Variants in CEP128 observed in about 807,000 individuals in gnomAD.
CEP128 encodes centrosomal protein 128.
Under a neutral mutation model 156.7 loss-of-function variants are expected in CEP128, and 132 were observed. The observed-to-expected ratio is 0.84, with a 90% confidence interval of 0.73 to 0.97. The LOEUF is 0.97. Among genes scored for constraint, CEP128 ranks in the 50% least tolerant of loss-of-function variants. The pLI is 0.00. For synonymous variants in CEP128, 469 were observed against 448.9 expected (o/e 1.04, Z -0.57); for missense variants, 1,252 against 1,281.9 (o/e 0.98, Z 0.36).
chr14:80,740,999 A>T (rs371437775), intron 19 of CEP128, among the ~76,000 whole-genome samples: 1 of 152,180 alleles, frequency 6.6e-6, no homozygotes, highest in East Asian at 1.9e-4. Context: ...ATCAAATTTC[A>T]TCTTTAAGGT....
intron 13 of CEP128, among the ~76,000 whole-genome samples, chr14:80,825,581 CTAATTAG>C (rs1885429125): frequency 6.6e-6 from 1 of 152,042 alleles, no homozygotes; most frequent in African/African-American, 2.4e-5. Context: ...TAAATACAAA[CTAATTAG>C]TAATTAGTAA....
At chr14:80,797,790 C>T (rs1247439158) in intron 13 of CEP128, among the ~76,000 whole-genome samples, 2 of 152,202 alleles carry the variant, frequency 1.3e-5, no homozygotes, top group Admixed American at 1.3e-4. Context: ...TGCATAAATG[C>T]TTTCAGGGTA....
At chr14:80,834,005 T>G (rs1885945726) in intron 12 of CEP128, among the ~76,000 whole-genome samples, 1 of 152,152 alleles carries the variant, frequency 6.6e-6, no homozygotes, top group African/African-American at 2.4e-5. Context: ...TGTATCAACA[T>G]GCATTCTGAG....
chr14:80,734,846 CAAAAAAAAAAAAAA>C (rs397798792), intron 19 of CEP128, among the ~76,000 whole-genome samples: 1 of 62,072 alleles, frequency 1.6e-5, no homozygotes, highest in Non-Finnish European at 3.1e-5. Context: ...GACCCCATCT[CAAAAAAAAAAAAAA>C]AAAAAAAAAG....
intron 9 of CEP128, among the ~76,000 whole-genome samples, chr14:80,850,147 C>T (rs1886814921): frequency 6.6e-6 from 1 of 152,062 alleles, no homozygotes; most frequent in African/African-American, 2.4e-5. Flanking sequence ...TGACAGTTTT[C>T]ATGATAAATA....
intron 2 of CEP128, chr14:80,955,927 C>T: frequency 6.3e-7 from 1 of 1,580,608 alleles, no homozygotes; most frequent in Non-Finnish European, 8.7e-7. Flanking sequence ...TGCACAAAAG[C>T]AGCTCAATAA....
chr14:80,840,780 G>T lies in CEP128; in HGVS notation c.763-12C>A. The stretch of plus-strand genomic sequence containing the variant: ...TGTTTCTTTAGTGCCTGGAATGAAA[G>T]AGGTGGAAAAAAATTATCCCAAAAT... On this transcript the variant is annotated splice_polypyrimidine_tract_variant and intron_variant, in intron 9 of 24. Coordinates refer to ENST00000555265, the MANE Select transcript of CEP128 (RefSeq NM_152446.5). The T allele has an allele frequency of 6.4e-7, 1 of 1,560,058 alleles. No homozygotes were observed. Among genetic ancestry groups the T allele is most frequent in the Non-Finnish European group, 8.8e-7 (1 of 1,134,412 alleles).
chr14:80,503,898 GATAA>G (rs1286463412), intron 24 of CEP128, among the ~76,000 whole-genome samples: 3 of 152,040 alleles, frequency 2.0e-5, no homozygotes, highest in African/African-American at 7.2e-5. Context: ...ATCAGAAATC[GATAA>G]ATATTTATTC....
intron 9 of CEP128, among the ~76,000 whole-genome samples, chr14:80,860,011 T>C (rs1407023474): frequency 6.6e-6 from 1 of 152,202 alleles, no homozygotes; most frequent in Non-Finnish European, 1.5e-5. Context: ...TGGCTAGAAG[T>C]TCAGGCCCAC....
chr14:80,927,893 A>C (rs993591446), intron 2 of CEP128, among the ~76,000 whole-genome samples: 1 of 152,196 alleles, frequency 6.6e-6, no homozygotes, highest in Non-Finnish European at 1.5e-5. Context: ...GATAAGCTTC[A>C]TAAGATTTCT....
chr14:80,600,246 A>T (rs182720318), intron 19 of CEP128, among the ~76,000 whole-genome samples: 1 of 152,370 alleles, frequency 6.6e-6, no homozygotes, highest in African/African-American at 2.4e-5. Flanking sequence ...AAAATTCCCA[A>T]ATTTGATTAA....
chr14:80,910,672 T>G (rs1447623657), intron 4 of CEP128, among the ~76,000 whole-genome samples: 1 of 152,302 alleles, frequency 6.6e-6, no homozygotes, highest in African/African-American at 2.4e-5. Flanking sequence ...CAGGTAGTTC[T>G]TTATAGCAAT....
chr14:80,915,771 AT>A (rs1433243717), intron 3 of CEP128, among the ~76,000 whole-genome samples: 4 of 152,190 alleles, frequency 2.6e-5, no homozygotes, highest in Admixed American at 2.6e-4. Context: ...CTCTCACGAT[AT>A]TTTATTTGGA....
intron 19 of CEP128, among the ~76,000 whole-genome samples, chr14:80,716,898 C>A (rs1897627401): frequency 6.6e-6 from 1 of 152,174 alleles, no homozygotes; most frequent in Admixed American, 6.6e-5. Flanking sequence ...GCAGTTGTTA[C>A]TATCTTTTTT....
In CEP128 at chr14:80,563,542, T is replaced by TTTTTTTTTTC. The variant is rs1890782729; in HGVS notation, c.2857-4241_2857-4240insGAAAAAAAAA. Among the ~76,000 whole-genome samples, 2 of 135,856 alleles carry TTTTTTTTTTC rather than the reference T, an allele frequency of 1.5e-5. 1 individual carries two copies. Among genetic ancestry groups the TTTTTTTTTTC allele is most frequent in the East Asian group, 4.4e-4 (2 of 4,596 alleles). The allele number at this position is 135,856 out of a possible 152,430, so 89.1% of individuals were successfully genotyped here. On this transcript the variant is annotated intron_variant, in intron 20 of 24. Coordinates refer to ENST00000555265, the MANE Select transcript of CEP128 (RefSeq NM_152446.5). The stretch of plus-strand genomic sequence containing the variant: ...TCCAAATCTTTTTTTTTTTTTTTTT[T>TTTTTTTTTTC]TTTTTTTTGAGATGGAATCTCACTC...
chr14:80,555,426 TAGA>T (rs996696088), intron 21 of CEP128, among the ~76,000 whole-genome samples: 2 of 152,174 alleles, frequency 1.3e-5, no homozygotes, highest in African/African-American at 4.8e-5. Flanking sequence ...TTCCTCATTG[TAGA>T]AGAAGCCAAT....
At chr14:80,550,404 C>T (rs1412734638) in intron 21 of CEP128, among the ~76,000 whole-genome samples, 1 of 152,000 alleles carries the variant, frequency 6.6e-6, no homozygotes, top group African/African-American at 2.4e-5. Context: ...CAAAGGATGA[C>T]ATTTTCTCAC....
At chr14:80,513,966 A>G (rs2140225806) in intron 23 of CEP128, among the ~76,000 whole-genome samples, 1 of 152,162 alleles carries the variant, frequency 6.6e-6, no homozygotes, top group African/African-American at 2.4e-5. Flanking sequence ...GCACCTTTTA[A>G]CGATCTGAAT....
At chr14:80,931,270 G>A (rs1337312967) in intron 2 of CEP128, among the ~76,000 whole-genome samples, 1 of 151,972 alleles carries the variant, frequency 6.6e-6, no homozygotes, top group Non-Finnish European at 1.5e-5. Context: ...ATGACTGAAC[G>A]GCTTGCTGGT....
Sources: gnomAD v4.1 joint callset for allele counts (sites outside exome capture counted in the v4.1 genomes callset) on GRCh38, gnomAD v4.1.1 for gene constraint, MANE v1.5 for transcripts, NCBI Gene and HGNC (gene_info 2026-07-23, HGNC 2026-07-21) for gene names.